Variants in TNR observed in about 807,000 individuals in gnomAD.
TNR encodes tenascin R, also known as tenascin-R.
A neutral mutation model predicts 150.4 loss-of-function variants in TNR; 45 were observed. That is an observed-to-expected ratio of 0.30 (90% CI 0.24 to 0.38). The LOEUF is 0.38. TNR is among the 10% of genes least tolerant of loss of function. The pLI, the probability that TNR is intolerant of heterozygous loss-of-function variation, is 1.00. For synonymous variants in TNR, 687 were observed against 678.4 expected (o/e 1.01, Z -0.20); for missense variants, 1,544 against 1,759.1 (o/e 0.88, Z 2.19).
intron 2 of TNR, among the ~76,000 whole-genome samples, chr1:175,445,908 T>A (rs1482877242): frequency 6.6e-6 from 1 of 152,186 alleles, no homozygotes; most frequent in African/African-American, 2.4e-5. Flanking sequence ...ATAAGCTGAT[T>A]GCTTTTAAAA....
At chr1:175,652,851 C>G (rs892760779) in intron 1 of TNR, among the ~76,000 whole-genome samples, 1 of 151,870 alleles carries the variant, frequency 6.6e-6, no homozygotes, top group African/African-American at 2.4e-5. Context: ...TACAGGAAAC[C>G]CAATAGAAAA....
chr1:175,741,327 CT>C lies in TNR; in HGVS notation c.-165+1898del, dbSNP rs957281616. On this transcript the variant is annotated intron_variant, in intron 1 of 22. Transcript: ENST00000367674. ...ATGGGTCCAATAATGTCACTGAGCA[CT>C]TTTTTTTCAGAGAAAATTTAAGGGC... 2.0e-5 allele frequency among the ~76,000 whole-genome samples: 3 copies of C among 152,146 alleles called. No individual in the cohort carries two copies. The South Asian group carries it at 6.3e-4, about 32-fold the overall frequency.
chr1:175,567,243 C>T (rs937476052), intron 1 of TNR, among the ~76,000 whole-genome samples: 5 of 152,080 alleles, frequency 3.3e-5, no homozygotes, highest in Admixed American at 6.5e-5. Context: ...AAAAGAAGAG[C>T]CTGGGATGTA....
chr1:175,415,508 G>A (rs913195796), intron 2 of TNR, among the ~76,000 whole-genome samples: 3 of 152,214 alleles, frequency 2.0e-5, no homozygotes, highest in South Asian at 2.1e-4. Flanking sequence ...GCTGCCCAAC[G>A]CCCCTGACCA....
chr1:175,729,748 G>A (rs1169986563), intron 1 of TNR, among the ~76,000 whole-genome samples: 1 of 152,044 alleles, frequency 6.6e-6, no homozygotes, highest in Non-Finnish European at 1.5e-5. Context: ...AGCATGGGTG[G>A]CTGGGAACTG....
At chr1:175,385,049 T>C (rs1264727313) in intron 8 of TNR, among the ~76,000 whole-genome samples, 1 of 152,214 alleles carries the variant, frequency 6.6e-6, no homozygotes, top group Non-Finnish European at 1.5e-5. Context: ...CTTTATCCCA[T>C]CTGAAGATGC....
At chr1:175,335,625 T>C in intron 20 of TNR, 86 bp downstream of exon 20, 1 of 1,341,308 alleles carries the variant, frequency 7.5e-7, no homozygotes. Context: ...ACAGGGTTTC[T>C]GATAATCTCA....
At chr1:175,445,578 A>C (rs547451716) in intron 2 of TNR, among the ~76,000 whole-genome samples, 1 of 152,326 alleles carries the variant, frequency 6.6e-6, no homozygotes, top group East Asian at 1.9e-4. Flanking sequence ...AGGTTTACTC[A>C]TTACAGGTCC....
At chr1:175,502,077 C>A (rs1312866162) in intron 2 of TNR, among the ~76,000 whole-genome samples, 2 of 152,134 alleles carry the variant, frequency 1.3e-5, no homozygotes, top group Admixed American at 1.3e-4. Flanking sequence ...ACAATGGGTT[C>A]CAAACAGTGC....
chr1:175,702,402 T>C (rs1021092486), intron 1 of TNR, among the ~76,000 whole-genome samples: 5 of 152,210 alleles, frequency 3.3e-5, no homozygotes, highest in South Asian at 2.1e-4. Context: ...CCCAGAAACA[T>C]TGATTTTTGG....
intron 2 of TNR, among the ~76,000 whole-genome samples, chr1:175,496,438 A>G (rs1217912043): frequency 1.3e-5 from 2 of 151,676 alleles, no homozygotes; most frequent in East Asian, 3.9e-4. Context: ...GCTGGCACGT[A>G]CTCTTCTTGG....
At chr1:175,561,587 T>C (rs1368173603) in intron 1 of TNR, among the ~76,000 whole-genome samples, 4 of 152,166 alleles carry the variant, frequency 2.6e-5, no homozygotes, top group Non-Finnish European at 4.4e-5. Context: ...CTAGAGATGC[T>C]CAGTGGATCC....
rs530283187 is a variant in TNR, at chr1:175,674,913, G to A, written c.-165+68313C>T. Among the ~76,000 whole-genome samples the A allele has an allele frequency of 3.5e-4, 54 of 152,122 alleles. No individual in the cohort carries two copies. In the South Asian group the frequency reaches 7.5e-3, roughly 21 times the overall value. On this transcript the variant is annotated intron_variant, in intron 1 of 22. Transcript: ENST00000367674. ...TTAATACCTAATAGAGCTCTTACCC[G>A]CACAGCTAATTAAGAATGTGACTAA...
At chr1:175,427,603 T>A (rs1404569588) in intron 2 of TNR, among the ~76,000 whole-genome samples, 2 of 152,180 alleles carry the variant, frequency 1.3e-5, no homozygotes, top group African/African-American at 2.4e-5. Flanking sequence ...TGGTTTATTT[T>A]TTATTATTTT....
At chr1:175,727,643 G>T (rs527679541) in intron 1 of TNR, among the ~76,000 whole-genome samples, 2 of 152,312 alleles carry the variant, frequency 1.3e-5, no homozygotes, top group African/African-American at 4.8e-5. Flanking sequence ...GATTCAAGTG[G>T]TGATAATTGC....
chr1:175,352,696 A>G (rs1158288312), intron 18 of TNR, among the ~76,000 whole-genome samples: 2 of 152,188 alleles, frequency 1.3e-5, no homozygotes, highest in Non-Finnish European at 2.9e-5. Context: ...TTGTGTACCC[A>G]AGGTTTATTT....
chr1:175,635,620 G>A (rs1436292268), intron 1 of TNR, among the ~76,000 whole-genome samples: 6 of 152,170 alleles, frequency 3.9e-5, no homozygotes, highest in African/African-American at 1.4e-4. Context: ...AATTGGTAGT[G>A]TGTGCTTCAG....
At chr1:175,349,674 A>G (rs1363609893) in intron 18 of TNR, among the ~76,000 whole-genome samples, 1 of 152,212 alleles carries the variant, frequency 6.6e-6, no homozygotes, top group East Asian at 1.9e-4. Context: ...GTAAAAACAG[A>G]CTGGGACCTT....
intron 5 of TNR, 22 bp from the exon 6 acceptor site, chr1:175,393,917 G>A (rs1557904764): frequency 6.4e-7 from 1 of 1,569,034 alleles, no homozygotes; most frequent in Admixed American, 1.7e-5. Context: ...CAATGTAGGT[G>A]ACAATGTCAT....
Sources: gnomAD v4.1 joint callset for allele counts (sites outside exome capture counted in the v4.1 genomes callset) on GRCh38, gnomAD v4.1.1 for gene constraint, MANE v1.5 for transcripts, NCBI Gene and HGNC (gene_info 2026-07-23, HGNC 2026-07-21) for gene names.